The following MLKL variants were observed in gnomAD, a reference collection of about 807,000 sequenced individuals.
MLKL encodes mixed lineage kinase domain-like protein.
A neutral mutation model predicts 56.5 loss-of-function variants in MLKL; 55 were observed. The ratio of observed to expected loss-of-function variants is 0.97; its 90% CI spans 0.78 to 1.22. MLKL has a LOEUF of 1.22. Among genes scored for constraint, MLKL ranks in the 50% most tolerant of loss-of-function variants. MLKL has a pLI of 0.00. For synonymous variants in MLKL, 251 were observed against 208.3 expected (o/e 1.20, Z -1.76); for missense variants, 694 against 573.9 (o/e 1.21, Z -2.14).
intron 4 of MLKL, 133 bp from the exon 5 acceptor site, chr16:74,685,716 A>C: frequency 1.5e-6 from 1 of 677,078 alleles, no homozygotes; most frequent in Non-Finnish European, 2.6e-6. Flanking sequence ...GCCAGGATGA[A>C]CTCAGCTACT....
At position 74,672,353 on chromosome 16, in the gene MLKL, C is replaced by T. The variant is rs1053862920; in HGVS notation, c.*151G>A. On this transcript the variant is annotated 3_prime_UTR_variant, in exon 11 of 11. Coordinates refer to ENST00000308807, the MANE Select transcript of MLKL (RefSeq NM_152649.4). ...TTGGAGTGGGATGTGTCCTGTATGACTGGAATCGTTTTCTATTTGTAACAG... is the reference window on the plus strand; with the variant it reads ...TTGGAGTGGGATGTGTCCTGTATGATTGGAATCGTTTTCTATTTGTAACAG... The T allele has an allele frequency of 8.7e-6, 6 of 693,224 alleles. No individual in the cohort carries two copies. In the African/African-American group the frequency reaches 8.9e-5, roughly 10 times the overall value. The allele number at this position is 693,224 out of a possible 1,614,324, so 42.9% of individuals were successfully genotyped here. A position where few individuals can be genotyped will look rare whatever the true frequency, so the allele number is the denominator to read the frequency against.
At chr16:74,680,610 G>A (rs1325075239) in intron 6 of MLKL, among the ~76,000 whole-genome samples, 3 of 152,070 alleles carry the variant, frequency 2.0e-5, no homozygotes, top group Admixed American at 1.3e-4. Flanking sequence ...AGGTTCAAGC[G>A]ATTCTCCTGC....
chr16:74,692,655 C>T (rs1269312645), intron 2 of MLKL, among the ~76,000 whole-genome samples: 1 of 152,250 alleles, frequency 6.6e-6, no homozygotes, highest in Non-Finnish European at 1.5e-5. Context: ...ATGTCTGTCA[C>T]TTCCCAGAGG....
intron 6 of MLKL, among the ~76,000 whole-genome samples, chr16:74,681,137 C>T (rs372512040): frequency 6.6e-6 from 1 of 152,152 alleles, no homozygotes; most frequent in South Asian, 2.1e-4. Flanking sequence ...TGATTCTTGT[C>T]CCTCAAGCCT....
At position 74,700,774 on chromosome 16, in the gene MLKL, G is replaced by A. The variant is rs1961339430; in HGVS notation, c.-324C>T. 2 of 152,292 alleles carry A rather than the reference G, an allele frequency of 1.3e-5. No individual in the cohort carries two copies. Among genetic ancestry groups the A allele is most frequent in the Non-Finnish European group, 2.9e-5 (2 of 68,090 alleles). 9.4% of individuals were successfully genotyped at this position (152,292 alleles called of 1,614,324 possible). On this transcript the variant is annotated 5_prime_UTR_variant, in exon 1 of 11. Coordinates refer to ENST00000308807, the MANE Select transcript of MLKL (RefSeq NM_152649.4). ...CTGTTTCTGTCCAGTGCCCTCCGGA[G>A]GCCACTGCCTCAGGTCTGTGATGCC...
chr16:74,673,699 G>A (rs776125000), intron 10 of MLKL, among the ~76,000 whole-genome samples: 10 of 151,528 alleles, frequency 6.6e-5, no homozygotes, highest in Non-Finnish European at 1.3e-4. Flanking sequence ...AAGGAAGGAA[G>A]GCAGACAAGG....
chr16:74,674,251 C>G (rs1959440430), intron 10 of MLKL, among the ~76,000 whole-genome samples: 1 of 149,956 alleles, frequency 6.7e-6, no homozygotes, highest in Non-Finnish European at 1.5e-5. Context: ...CTCCTGGGTT[C>G]AAGTGATTCT....
chr16:74,683,376 A>C (rs1234353828), intron 5 of MLKL, among the ~76,000 whole-genome samples: 1 of 151,298 alleles, frequency 6.6e-6, no homozygotes, highest in African/African-American at 2.4e-5. Flanking sequence ...CTGGTGGATC[A>C]CTTGAGGCCA....
intron 7 of MLKL, chr16:74,676,688 C>T (rs1366245059): frequency 6.4e-6 from 1 of 156,912 alleles, no homozygotes; most frequent in East Asian, 1.9e-4. Context: ...GCAAAAAAGG[C>T]CTGTCTGCTA....
chr16:74,683,593 CAAA>C (rs35511363), intron 5 of MLKL, among the ~76,000 whole-genome samples: 25 of 123,290 alleles, frequency 2.0e-4, no homozygotes, highest in African/African-American at 3.5e-4. Flanking sequence ...GACTCTGTCT[CAAA>C]AAAAAAAAAA....
At chr16:74,675,541 T>A in intron 8 of MLKL, 72 bp downstream of exon 8, 1 of 1,576,452 alleles carries the variant, frequency 6.3e-7, no homozygotes, top group Non-Finnish European at 8.6e-7. Context: ...TAGGTGGTCC[T>A]TGGAGGAGTT....
intron 7 of MLKL, chr16:74,676,003 CA>C: frequency 3.9e-6 from 2 of 511,108 alleles, no homozygotes; most frequent in South Asian, 2.8e-5. Flanking sequence ...GGGGCGATGA[CA>C]GGGGGGATTA....
Position 74,674,949 on chromosome 16 carries a change from A to G in MLKL, c.1381+11T>C, listed in dbSNP as rs754583165. On this transcript the variant is annotated intron_variant, in intron 10 of 10. Coordinates refer to ENST00000308807, the MANE Select transcript of MLKL (RefSeq NM_152649.4). ...TGGGGCTCACGCTCTTTACACCAGA[A>G]AGAACCCTACCATCCACAGAGGGCC... 1.2e-6 allele frequency: 2 copies of G among 1,611,096 alleles called. No individual in the cohort carries two copies. Among genetic ancestry groups the G allele is most frequent in the Non-Finnish European group, 1.7e-6 (2 of 1,179,202 alleles).
intron 6 of MLKL, among the ~76,000 whole-genome samples, chr16:74,680,592 T>C (rs1959899994): frequency 6.6e-6 from 1 of 152,038 alleles, no homozygotes; most frequent in African/African-American, 2.4e-5. Context: ...CTGCAACCTC[T>C]GCCTCCCAGG....
chr16:74,681,030 A>G (rs371852605), intron 6 of MLKL, among the ~76,000 whole-genome samples: 2 of 151,350 alleles, frequency 1.3e-5, no homozygotes, highest in Middle Eastern at 3.4e-3. Flanking sequence ...TTCAATTATT[A>G]TTATTATTTT....
At chr16:74,678,843 C>G in intron 7 of MLKL, 56 bp downstream of exon 7, 1 of 1,285,314 alleles carries the variant, frequency 7.8e-7, no homozygotes, top group South Asian at 1.2e-5. Flanking sequence ...TCGTGCCCCT[C>G]TCATAGCACC....
chr16:74,674,968 G>T lies in MLKL; in HGVS notation c.1373C>A (p.Ser458Tyr). 2 of 1,613,858 alleles carry T rather than the reference G, an allele frequency of 1.2e-6. No homozygotes were observed. Among genetic ancestry groups the T allele is most frequent in the Non-Finnish European group, 1.7e-6 (2 of 1,179,976 alleles). ...ACCAGAAAGAACCCTACCATCCACA[G>T]AGGGCCGCACAGAGGGATCATGGGC... ...CRAHDPSVRP[S>Y]VDEILKKLST... Residue 458 changes from serine to tyrosine, a missense_variant, in exon 10 of 11, where the codon TCT becomes TAT. By Grantham distance (144) the Ser-to-Tyr change is moderately radical. Coordinates refer to ENST00000308807, the MANE Select transcript of MLKL (RefSeq NM_152649.4).
intron 7 of MLKL, chr16:74,677,061 T>C (rs1361084544): frequency 1.3e-5 from 2 of 152,238 alleles, no homozygotes; most frequent in East Asian, 3.9e-4. Flanking sequence ...TATTTATTTA[T>C]TTATTTTTTG....
At chr16:74,683,393 C>T (rs1426464093) in intron 5 of MLKL, among the ~76,000 whole-genome samples, 3 of 149,740 alleles carry the variant, frequency 2.0e-5, no homozygotes, top group Non-Finnish European at 4.4e-5. Flanking sequence ...GCCAGGAGTT[C>T]GAGACCAGCC....
Sources: gnomAD v4.1 joint callset for allele counts (sites outside exome capture counted in the v4.1 genomes callset) on GRCh38, gnomAD v4.1.1 for gene constraint, MANE v1.5 for transcripts, NCBI Gene and HGNC (gene_info 2026-07-23, HGNC 2026-07-21) for gene names.